Variants in SORL1 observed in about 807,000 individuals in gnomAD.
SORL1 encodes the protein sortilin-related receptor.
SORL1 carries 127 observed loss-of-function variants against 273.7 expected under a neutral mutation model. That is an observed-to-expected ratio of 0.46 (90% CI 0.40 to 0.54). The LOEUF (loss-of-function observed/expected upper bound fraction) is 0.54. Among genes scored for constraint, SORL1 ranks in the 20% least tolerant of loss-of-function variants. SORL1 has a pLI of 0.00. For missense variants in SORL1, 2,494 were observed against 2,846.1 expected (o/e 0.88, Z 2.81); for synonymous variants, 1,031 against 1,067.4 (o/e 0.97, Z 0.66).
In SORL1 at chr11:121,631,679, G is replaced by A. The variant is rs1027713935; in HGVS notation, c.*2116G>A. On this transcript the variant is annotated 3_prime_UTR_variant, in exon 48 of 48. Coordinates refer to ENST00000260197, the MANE Select transcript of SORL1 (RefSeq NM_003105.6). The stretch of plus-strand genomic sequence containing the variant: ...CCAGTTGGCAGCTTGAGATATTTCC[G>A]AGCATCCGGTTCTAGCTACCAGTGC... 5 of 152,070 alleles carry A rather than the reference G, an allele frequency of 3.3e-5. No individual in the cohort carries two copies. Among genetic ancestry groups the A allele is most frequent in the Admixed American group, 1.3e-4 (2 of 15,264 alleles). 9.4% of individuals were successfully genotyped at this position (152,070 alleles called of 1,614,324 possible).
intron 25 of SORL1, among the ~76,000 whole-genome samples, chr11:121,582,002 C>G (rs1036961776): frequency 2.0e-5 from 3 of 152,172 alleles, no homozygotes; most frequent in African/African-American, 7.2e-5. Flanking sequence ...ACATTTATTC[C>G]TCTTATCAGA....
At chr11:121,527,941 T>C (rs1202150253) in intron 11 of SORL1, among the ~76,000 whole-genome samples, 1 of 152,134 alleles carries the variant, frequency 6.6e-6, no homozygotes, top group Non-Finnish European at 1.5e-5. Flanking sequence ...CTATTGTCTG[T>C]TTTCTGTTTT....
At chr11:121,513,399 G>A (rs989105053) in intron 7 of SORL1, among the ~76,000 whole-genome samples, 1 of 152,204 alleles carries the variant, frequency 6.6e-6, no homozygotes, top group Admixed American at 6.5e-5. Flanking sequence ...GCAATGGGAA[G>A]TTTGTGCATG....
intron 45 of SORL1, among the ~76,000 whole-genome samples, chr11:121,623,955 C>A (rs1367827247): frequency 6.6e-6 from 1 of 152,214 alleles, no homozygotes; most frequent in Non-Finnish European, 1.5e-5. Context: ...GAGGCCTCTC[C>A]ATCATGGTGG....
intron 1 of SORL1, among the ~76,000 whole-genome samples, chr11:121,465,766 A>G (rs1861072988): frequency 6.6e-6 from 1 of 152,090 alleles, no homozygotes; most frequent in Non-Finnish European, 1.5e-5. Context: ...TGACCTCGTG[A>G]TCTGCCTGCC....
chr11:121,582,742 C>T (rs1310375788), intron 25 of SORL1, among the ~76,000 whole-genome samples: 1 of 152,176 alleles, frequency 6.6e-6, no homozygotes, highest in Admixed American at 6.5e-5. Flanking sequence ...GGTAGATGTT[C>T]CTCTCAACTC....
intron 38 of SORL1, chr11:121,609,986 T>C (rs1359878420): frequency 3.9e-5 from 6 of 152,248 alleles, no homozygotes; most frequent in Admixed American, 3.9e-4. Context: ...CGCACTGTTT[T>C]GCTCTGTGTT....
At chr11:121,458,808 T>TA (rs1860947086) in intron 1 of SORL1, among the ~76,000 whole-genome samples, 2 of 152,242 alleles carry the variant, frequency 1.3e-5, no homozygotes, top group Admixed American at 6.5e-5. Context: ...AGATCAAGAT[T>TA]TGAGTTTCCT....
chr11:121,624,719 A>G (rs981329141), intron 45 of SORL1, among the ~76,000 whole-genome samples: 1 of 152,146 alleles, frequency 6.6e-6, no homozygotes, highest in African/African-American at 2.4e-5. Flanking sequence ...GTCAAATTCC[A>G]TTATGGCAAA....
At position 121,522,924 on chromosome 11, in the gene SORL1, G is replaced by C; in HGVS notation, c.1531G>C (p.Gly511Arg). 6.2e-7 allele frequency: 1 copy of C among 1,613,470 alleles called. No homozygotes were observed. Among genetic ancestry groups the C allele is most frequent in the Non-Finnish European group, 8.5e-7 (1 of 1,179,370 alleles). Residue 511 changes from glycine (G) to arginine (R), a missense_variant, in exon 11 of 48, where the codon GGA becomes CGA. By Grantham distance (125) the Gly-to-Arg change is moderately radical (BLOSUM62 -2). Coordinates refer to ENST00000260197, the MANE Select transcript of SORL1 (RefSeq NM_003105.6). ...TTTCTCTTGCATTTTAGGCTCAGTG[G>C]GAAAGAACTTGGCTAGCAAGACAAA... Reference protein sequence around the residue: ...PGLIIATGSVGKNLASKTNVY... With the variant: ...PGLIIATGSVRKNLASKTNVY...
At chr11:121,620,640 T>C (rs1863710766) in intron 43 of SORL1, among the ~76,000 whole-genome samples, 1 of 152,164 alleles carries the variant, frequency 6.6e-6, no homozygotes, top group Non-Finnish European at 1.5e-5. Flanking sequence ...AGAAGCAGCC[T>C]GGGAGAAAGT....
At position 121,612,760 on chromosome 11, in the gene SORL1, T is replaced by C. The variant is rs776279862; in HGVS notation, c.5347T>C (p.Phe1783Leu). ...IKVNGYVVNLFWAFDTHKQER... is the reference protein window; with the variant it reads ...IKVNGYVVNLLWAFDTHKQER... ...GGTGAATGGCTATGTGGTGAACCTT[T>C]TCTGGGCATTTGACACCCACAAGCA... The change falls in exon 40 of 48, where the codon TTC becomes CTC. Residue 1783 changes from phenylalanine to leucine, a missense_variant. This residue lies in a region of SORL1 where 1,609 missense variants were observed against 1,816.4 expected (regional missense o/e 0.89). Coordinates refer to ENST00000260197, the MANE Select transcript of SORL1 (RefSeq NM_003105.6). 3 of 1,614,012 alleles carry C rather than the reference T, an allele frequency of 1.9e-6. No individual in the cohort carries two copies. The highest frequency in any genetic ancestry group is 4.5e-5 in the East Asian group (2 of 44,898).
chr11:121,608,182 T>C lies in SORL1; in HGVS notation c.5239+6T>C. The stretch of plus-strand genomic sequence containing the variant: ...TACCACCATAAAAGGAAAAGGTAAA[T>C]GATCCCAGCATTTGCAGATTTAGAG... On this transcript the variant is annotated splice_donor_region_variant and intron_variant, in intron 38 of 47. Coordinates refer to ENST00000260197, the MANE Select transcript of SORL1 (RefSeq NM_003105.6). The C allele has an allele frequency of 6.2e-7, 1 of 1,609,678 alleles. No individual in the cohort carries two copies. Among genetic ancestry groups the C allele is most frequent in the Non-Finnish European group, 8.5e-7 (1 of 1,176,044 alleles).
chr11:121,536,083 T>C (rs1862263030), intron 12 of SORL1, among the ~76,000 whole-genome samples: 1 of 152,268 alleles, frequency 6.6e-6, no homozygotes, highest in Non-Finnish European at 1.5e-5. Context: ...TCGCTGCGGT[T>C]TGCTTGTCAG....
At chr11:121,626,017 A>AC (rs1384425089) in intron 46 of SORL1, among the ~76,000 whole-genome samples, 2 of 151,886 alleles carry the variant, frequency 1.3e-5, no homozygotes, top group African/African-American at 4.8e-5. Context: ...TATCCTTGGC[A>AC]CCCCCCACTA....
intron 6 of SORL1, among the ~76,000 whole-genome samples, chr11:121,511,461 A>G (rs1347742494): frequency 6.6e-6 from 1 of 152,222 alleles, no homozygotes; most frequent in Non-Finnish European, 1.5e-5. Context: ...TAATCATCTG[A>G]CATAGCCATG....
chr11:121,495,524 A>G (rs896267919), intron 5 of SORL1, among the ~76,000 whole-genome samples: 3 of 152,140 alleles, frequency 2.0e-5, no homozygotes, highest in African/African-American at 7.2e-5. Context: ...CATCATGCAT[A>G]TGGGATTGTA....
intron 6 of SORL1, among the ~76,000 whole-genome samples, chr11:121,504,737 A>G (rs1190783929): frequency 6.6e-6 from 1 of 152,114 alleles, no homozygotes; most frequent in Non-Finnish European, 1.5e-5. Context: ...AATGTTGACT[A>G]GGAGTGGAGA....
At chr11:121,620,118 C>T (rs1410134142) in intron 43 of SORL1, among the ~76,000 whole-genome samples, 1 of 152,192 alleles carries the variant, frequency 6.6e-6, no homozygotes, top group Non-Finnish European at 1.5e-5. Context: ...CTCCATTATT[C>T]CTAGCTACCA....
Sources: allele counts gnomAD v4.1 joint callset (sites outside exome capture counted in the v4.1 genomes callset), GRCh38; gene constraint gnomAD v4.1.1; regional missense constraint gnomAD v4.1.1; transcripts MANE v1.5; gene names NCBI Gene and HGNC (gene_info 2026-07-23, HGNC 2026-07-21).